The following EMX1 variants were observed in gnomAD, a reference collection of about 807,000 sequenced individuals.
The protein encoded by EMX1 is empty spiracles homeobox 1.
Under a neutral mutation model 20.1 loss-of-function variants are expected in EMX1, and 10 were observed. The ratio of observed to expected loss-of-function variants is 0.50; its 90% CI spans 0.31 to 0.84. The LOEUF (loss-of-function observed/expected upper bound fraction) is 0.84. Ranked by LOEUF, EMX1 falls within the 40% of genes least tolerant of loss-of-function variation. The probability of loss-of-function intolerance (pLI) is 0.05; values close to 1 mark genes in which losing one functional copy is unlikely to be tolerated. For missense variants in EMX1, 424 were observed against 431.9 expected, an observed-to-expected ratio of 0.98 and a Z score of 0.16; for synonymous variants, 250 against 200.4, an observed-to-expected ratio of 1.25 and a Z score of -2.09.
intron 1 of EMX1, among the ~76,000 whole-genome samples, chr2:72,923,065 A>G (rs897085593): frequency 2.0e-5 from 3 of 152,144 alleles, no homozygotes; most frequent in African/African-American, 7.2e-5. Flanking sequence ...CAACCAAGCC[A>G]GAGATTGTGT....
At chr2:72,916,420 G>C (rs1347609416), upstream of EMX1, 3 of 532,884 alleles carry the variant, frequency 5.6e-6, no homozygotes, top group East Asian at 3.3e-5. Context: ...GCAAGGTCCA[G>C]GTCCCAGCCT....
upstream of EMX1, chr2:72,916,268 C>A (rs1011195134): frequency 1.0e-5 from 2 of 197,294 alleles, no homozygotes; most frequent in Non-Finnish European, 2.1e-5. Context: ...CAGAGTTGCG[C>A]GGCGCACGGA....
chr2:72,918,113 C>T lies in EMX1; in HGVS notation c.261C>T (p.His87=). Residue 87 remains histidine, a synonymous_variant, in exon 1 of 3, where the codon CAC becomes CAT. Coordinates refer to ENST00000258106, the MANE Select transcript of EMX1 (RefSeq NM_004097.3). ...PLRPTALNYP[H]PSAAEAAFVS... ...GGCCCACGGCGCTCAACTACCCTCA[C>T]CCCAGCGCGGCCGAGGCGGCCTTCG... 6.8e-7 allele frequency: 1 copy of T among 1,477,508 alleles called. No homozygotes were observed. Among genetic ancestry groups the T allele is most frequent in the South Asian group, 1.3e-5 (1 of 76,890 alleles). 91.5% of individuals were successfully genotyped at this position (1,477,508 alleles called of 1,614,324 possible).
At chr2:72,927,338 C>T (rs1671221873) in intron 2 of EMX1, among the ~76,000 whole-genome samples, 1 of 152,214 alleles carries the variant, frequency 6.6e-6, no homozygotes, top group Non-Finnish European at 1.5e-5. Context: ...TGTCTTCTCT[C>T]TGGGTCTGGG....
At chr2:72,920,385 C>T (rs938306804) in intron 1 of EMX1, among the ~76,000 whole-genome samples, 5 of 152,228 alleles carry the variant, frequency 3.3e-5, no homozygotes, top group Non-Finnish European at 4.4e-5. Context: ...CCAAGTGTGG[C>T]TGCATTTTCG....
rs777186799 is a variant in EMX1, at chr2:72,933,934, G to T, written c.853G>T (p.Asp285Tyr). ...ATKQANGEDI[D>Y]VTSND ...GAAGCAGGCCAATGGGGAGGACATC[G>T]ATGTCACCTCCAATGACTAGGGTGG... The change falls in exon 3 of 3, where the codon GAT (aspartate) becomes TAT (tyrosine). Residue 285 changes from aspartate (D) to tyrosine (Y), a missense_variant. This residue lies in a region of EMX1 where 91 missense variants were observed against 135.2 expected (regional missense o/e 0.67). Transcript: ENST00000258106. 3 of 1,614,268 alleles carry T rather than the reference G, an allele frequency of 1.9e-6. No individual in the cohort carries two copies. In the Admixed American group the frequency reaches 5.0e-5, roughly 27 times the overall value.
Position 72,917,719 on chromosome 2 carries a change from C to G in EMX1, c.-134C>G. On this transcript the variant is annotated 5_prime_UTR_variant, in exon 1 of 3. Transcript: ENST00000258106. ...GCCCGCTCCGCCGCAGCAGCCGCCG[C>G]GCCTGGCCGTACGCTGTGGCCGGAC... is the stretch of plus-strand genomic sequence containing the variant. 2.3e-6 allele frequency: 2 copies of G among 866,636 alleles called. No homozygotes were observed. 53.7% of individuals were successfully genotyped at this position (866,636 alleles called of 1,614,324 possible).
intron 1 of EMX1, 107 bp from the exon 2 acceptor site, chr2:72,924,202 G>A: frequency 7.2e-7 from 1 of 1,389,312 alleles, no homozygotes; most frequent in Non-Finnish European, 9.9e-7. Context: ...GAGAGGGCAG[G>A]GCGCTTGGGA....
rs370193660 is a variant in EMX1 at position 72,919,720 on chromosome 2, ATTG to A, written c.520+1353_520+1355del. 2.9e-3 allele frequency among the ~76,000 whole-genome samples: 441 copies of A among 152,216 alleles called. 1 individual carries two copies. The highest frequency in any genetic ancestry group is 0.01 in the African/African-American group (424 of 41,458). ...AGAGAATGTAATTACTAGAATAAGA[ATTG>A]TTGTGGGTAGCCTTGCCTCCTCTTT... On this transcript the variant is annotated intron_variant, in intron 1 of 2. Coordinates refer to ENST00000258106, the MANE Select transcript of EMX1 (RefSeq NM_004097.3).
chr2:72,918,232 C>G lies in EMX1; in HGVS notation c.380C>G (p.Ala127Gly). 1 of 1,581,470 alleles carries G rather than the reference C, an allele frequency of 6.3e-7. No individual in the cohort carries two copies. The highest frequency in any genetic ancestry group is 8.5e-7 in the Non-Finnish European group (1 of 1,173,928). Residue 127 changes from alanine to glycine, a missense_variant, in exon 1 of 3, where the codon GCG becomes GGG. This residue lies in a region of EMX1 where 333 missense variants were observed against 296.6 expected (regional missense o/e 1.12). Transcript: ENST00000258106. ...LVFPEAMNHP[A>G]LTVHPAHQLG... ...TTCCCCGAGGCCATGAACCACCCCGCGCTGACCGTGCATCCGGCGCACCAG... is the reference window on the plus strand; with the variant it reads ...TTCCCCGAGGCCATGAACCACCCCGGGCTGACCGTGCATCCGGCGCACCAG...
chr2:72,916,719 CCA>C (rs1670968572), upstream of EMX1: 1 of 717,286 alleles, frequency 1.4e-6, no homozygotes, highest in Non-Finnish European at 2.6e-6. Context: ...TCAATTTAAG[CCA>C]CAGTGTCTCC....
At chr2:72,925,622 C>T (rs1559060132) in intron 2 of EMX1, 1 of 1,219,016 alleles carries the variant, frequency 8.2e-7, no homozygotes, top group African/African-American at 1.6e-5. Context: ...GACCCTACTA[C>T]ACCACCGTCC....
chr2:72,918,522 C>A, intron 1 of EMX1, 150 bp downstream of exon 1: 1 of 1,172,566 alleles, frequency 8.5e-7, no homozygotes, highest in African/African-American at 1.6e-5. Context: ...CAGGGAAGAG[C>A]TGTGCGGCAT....
intron 2 of EMX1, among the ~76,000 whole-genome samples, chr2:72,926,509 G>A (rs927949892): frequency 2.0e-5 from 3 of 152,200 alleles, no homozygotes; most frequent in African/African-American, 7.2e-5. Flanking sequence ...GTGGCAGCCT[G>A]TCCTTCCAGG....
chr2:72,927,065 T>C (rs1671217714), intron 2 of EMX1, among the ~76,000 whole-genome samples: 1 of 152,190 alleles, frequency 6.6e-6, no homozygotes, highest in Admixed American at 6.5e-5. Context: ...CGTAGCTGTT[T>C]TACATCTAGC....
At chr2:72,920,173 C>T (rs1451532826) in intron 1 of EMX1, among the ~76,000 whole-genome samples, 1 of 152,152 alleles carries the variant, frequency 6.6e-6, no homozygotes, top group East Asian at 1.9e-4. Context: ...TGCCTCCGGG[C>T]GCCGAGGGCC....
Position 72,918,351 on chromosome 2 carries a change from T to G in EMX1, c.499T>G (p.Phe167Val), listed in dbSNP as rs760480105. The part of the protein sequence containing the change: ...HFYPWVLRNR[F>V]FGHRFQASDV... The stretch of plus-strand genomic sequence containing the variant: ...CTACCCCTGGGTCCTGCGGAACCGC[T>G]TCTTCGGCCACCGCTTCCAGGGTGA... The change falls in exon 1 of 3, where the codon TTC becomes GTC. Residue 167 changes from phenylalanine (F) to valine (V), a missense_variant. Coordinates refer to ENST00000258106, the MANE Select transcript of EMX1 (RefSeq NM_004097.3). The G allele has an allele frequency of 1.1e-5, 16 of 1,488,082 alleles. No homozygotes were observed. In the Admixed American group the frequency reaches 1.8e-4, roughly 17 times the overall value. The allele number at this position is 1,488,082 out of a possible 1,614,324, so 92.2% of individuals were successfully genotyped here. A position where few individuals can be genotyped will look rare whatever the true frequency, so the allele number is the denominator to read the frequency against.
chr2:72,922,427 C>T (rs1178443616), intron 1 of EMX1, among the ~76,000 whole-genome samples: 1 of 152,184 alleles, frequency 6.6e-6, no homozygotes, highest in Non-Finnish European at 1.5e-5. Flanking sequence ...TCCACTATCC[C>T]AAGTCAAACT....
Position 72,918,326 on chromosome 2 carries a change from C to T in EMX1, c.474C>T (p.Phe158=), listed in dbSNP as rs771219619. The stretch of plus-strand genomic sequence containing the variant: ...CCCAGCACCGGGACCCTCTCCATTT[C>T]TACCCCTGGGTCCTGCGGAACCGCT... ...FGAQHRDPLH[F]YPWVLRNRFF... The change falls in exon 1 of 3, where the codon TTC becomes TTT. Residue 158 remains phenylalanine (F), a synonymous_variant. Transcript: ENST00000258106. The T allele has an allele frequency of 1.9e-6, 3 of 1,557,452 alleles. No individual in the cohort carries two copies. The highest frequency in any genetic ancestry group is 2.3e-5 in the South Asian group (2 of 85,670).
Sources: gnomAD v4.1 joint callset for allele counts (sites outside exome capture counted in the v4.1 genomes callset) on GRCh38, gnomAD v4.1.1 for gene constraint, gnomAD v4.1.1 regional missense constraint, MANE v1.5 for transcripts, NCBI Gene and HGNC (gene_info 2026-07-23, HGNC 2026-07-21) for gene names.